Variants in ABI3BP observed in about 807,000 individuals in gnomAD.
ABI3BP encodes ABI family member 3 binding protein.
A neutral mutation model predicts 268.6 loss-of-function variants in ABI3BP; 216 were observed. The observed-to-expected ratio is 0.80, with a 90% CI of 0.72 to 0.90. The LOEUF is 0.90. ABI3BP is among the 40% of genes least tolerant of loss of function. ABI3BP has a pLI of 0.00. For missense variants in ABI3BP, 2,090 were observed against 2,182.4 expected (o/e 0.96, Z 0.84); for synonymous variants, 730 against 730.0 (o/e 1.00, Z 0.00).
chr3:100,842,696 C>T (rs559274515), intron 20 of ABI3BP, among the ~76,000 whole-genome samples: 2 of 152,050 alleles, frequency 1.3e-5, no homozygotes, highest in Non-Finnish European at 2.9e-5. Flanking sequence ...GATAAACTTT[C>T]CAATGTTTAT....
chr3:100,963,370 T>C (rs1209813119), intron 1 of ABI3BP, among the ~76,000 whole-genome samples: 2 of 152,162 alleles, frequency 1.3e-5, no homozygotes, highest in Admixed American at 1.3e-4. Context: ...TCCTCAAATA[T>C]CTGATTGTCA....
At chr3:100,832,722 T>A (rs2098514025) in intron 30 of ABI3BP, among the ~76,000 whole-genome samples, 1 of 152,046 alleles carries the variant, frequency 6.6e-6, no homozygotes, top group Non-Finnish European at 1.5e-5. Flanking sequence ...ACTTGGTAAC[T>A]TACTAGACTA....
chr3:100,776,347 TAAG>T (rs1328265613), intron 59 of ABI3BP, among the ~76,000 whole-genome samples: 1 of 151,968 alleles, frequency 6.6e-6, no homozygotes. Context: ...TGAGCCACAA[TAAG>T]AGGTCAAGCA....
chr3:100,799,460 ATATGTACTCACGTAAGT>A (rs760170217), intron 51 of ABI3BP, among the ~76,000 whole-genome samples: 5 of 152,166 alleles, frequency 3.3e-5, no homozygotes, highest in Admixed American at 3.3e-4. Flanking sequence ...AATCAATGGT[ATATGTACTCACGTAAGT>A]TTCTAAAATC....
intron 51 of ABI3BP, among the ~76,000 whole-genome samples, chr3:100,797,772 C>T (rs977531648): frequency 2.0e-5 from 3 of 151,954 alleles, no homozygotes; most frequent in East Asian, 3.9e-4. Flanking sequence ...TGACTCAGAA[C>T]TTTTATGAGC....
At chr3:100,793,464 T>C (rs1453900055) in intron 54 of ABI3BP, among the ~76,000 whole-genome samples, 1 of 152,040 alleles carries the variant, frequency 6.6e-6, no homozygotes, top group Non-Finnish European at 1.5e-5. Context: ...AGAAATACAC[T>C]TGTGATAATT....
chr3:100,756,129 A>G (rs535051832), intron 63 of ABI3BP, among the ~76,000 whole-genome samples: 5 of 152,376 alleles, frequency 3.3e-5, no homozygotes, highest in African/African-American at 1.2e-4. Context: ...ATATAAAGCA[A>G]TACAACACAT....
At chr3:100,869,740 A>T (rs1002370124) in intron 9 of ABI3BP, among the ~76,000 whole-genome samples, 1 of 152,114 alleles carries the variant, frequency 6.6e-6, no homozygotes, top group Admixed American at 6.6e-5. Context: ...TTGATATATC[A>T]ACCCCTGAGC....
chr3:100,881,392 T>C (rs2039168522), intron 6 of ABI3BP, among the ~76,000 whole-genome samples: 1 of 152,188 alleles, frequency 6.6e-6, no homozygotes, highest in East Asian at 1.9e-4. Flanking sequence ...GGTGGATCTC[T>C]GATGGAAAAT....
intron 6 of ABI3BP, among the ~76,000 whole-genome samples, chr3:100,883,843 TATC>T (rs1286163403): frequency 6.6e-6 from 1 of 152,102 alleles, no homozygotes; most frequent in Non-Finnish European, 1.5e-5. Context: ...TTCATAAACC[TATC>T]ATAAGTGTTC....
At position 100,986,785 on chromosome 3, in the gene ABI3BP, A is replaced by C. The variant is rs1215963343; in HGVS notation, c.79+6521T>G. Among the ~76,000 whole-genome samples, 3 of 152,206 alleles carry C rather than the reference A, an allele frequency of 2.0e-5. No homozygotes were observed. The East Asian group carries it at 5.8e-4, about 29-fold the overall frequency. On this transcript the variant is annotated intron_variant, in intron 1 of 67. Coordinates refer to ENST00000471714, the MANE Select transcript of ABI3BP (RefSeq NM_001375547.2). ...ACTTAATTTCTTATCTGTGAAATGG[A>C]GCTAATAATAATATATATTTCACAT...
Position 100,874,809 on chromosome 3 carries a change from G to A in ABI3BP, c.910+32C>T, listed in dbSNP as rs761381151. 5.9e-6 allele frequency: 8 copies of A among 1,354,078 alleles called. No homozygotes were observed. The South Asian group carries it at 7.6e-5, about 13-fold the overall frequency. The allele number at this position is 1,354,078 out of a possible 1,614,324, so 83.9% of individuals were successfully genotyped here. On this transcript the variant is annotated intron_variant, in intron 9 of 67. Coordinates refer to ENST00000471714, the MANE Select transcript of ABI3BP (RefSeq NM_001375547.2). ...ATATCAGTGCTAGTACTCAGTTACT[G>A]CAAAGTTCAAATACAAAACTTTTCT... is the stretch of plus-strand genomic sequence containing the variant.
At chr3:100,904,195 T>C (rs1175538676) in intron 2 of ABI3BP, among the ~76,000 whole-genome samples, 1 of 152,182 alleles carries the variant, frequency 6.6e-6, no homozygotes, top group Non-Finnish European at 1.5e-5. Context: ...CCTCAATTTG[T>C]AGATGAGATA....
intron 1 of ABI3BP, among the ~76,000 whole-genome samples, chr3:100,979,608 T>A (rs1395341873): frequency 6.6e-6 from 1 of 152,214 alleles, no homozygotes; most frequent in Non-Finnish European, 1.5e-5. Flanking sequence ...AAAAGGAATG[T>A]TTGAAATGGA....
At chr3:100,937,900 A>G (rs956537152) in intron 1 of ABI3BP, among the ~76,000 whole-genome samples, 1 of 152,096 alleles carries the variant, frequency 6.6e-6, no homozygotes, top group Non-Finnish European at 1.5e-5. Flanking sequence ...GCTTCCAAAA[A>G]TCATAGTATA....
chr3:100,915,312 A>G (rs1436845899), intron 2 of ABI3BP, among the ~76,000 whole-genome samples: 1 of 152,128 alleles, frequency 6.6e-6, no homozygotes, highest in South Asian at 2.1e-4. Context: ...CCATTTCTGC[A>G]CTGGGACATA....
At chr3:100,754,589 G>A in intron 64 of ABI3BP, 23 bp downstream of exon 64, 1 of 1,559,654 alleles carries the variant, frequency 6.4e-7, no homozygotes, top group Non-Finnish European at 8.7e-7. Context: ...ATCCTTTTTG[G>A]GAATTACTGT....
chr3:100,763,901 G>A (rs1314036326), intron 63 of ABI3BP, among the ~76,000 whole-genome samples: 2 of 152,028 alleles, frequency 1.3e-5, no homozygotes, highest in South Asian at 4.1e-4. Flanking sequence ...TGATTATTCC[G>A]ACTAAAAGCC....
chr3:100,858,325 G>A (rs1034265050), intron 14 of ABI3BP, among the ~76,000 whole-genome samples: 1 of 152,156 alleles, frequency 6.6e-6, no homozygotes, highest in Non-Finnish European at 1.5e-5. Flanking sequence ...ATCACAAAAT[G>A]CAGCACTAAT....
Sources: allele counts gnomAD v4.1 joint callset (sites outside exome capture counted in the v4.1 genomes callset), GRCh38; gene constraint gnomAD v4.1.1; transcripts MANE v1.5; gene names NCBI Gene and HGNC (gene_info 2026-07-23, HGNC 2026-07-21).